TENM3: variants seen among roughly 807,000 people sequenced by gnomAD.
The protein encoded by TENM3 is teneurin-3.
A neutral mutation model predicts 255.1 loss-of-function variants in TENM3; 63 were observed. The observed-to-expected ratio is 0.25, with a 90% CI of 0.20 to 0.30. The LOEUF is 0.30. TENM3 is among the 10% of genes least tolerant of loss of function. The pLI is 1.00. For missense variants in TENM3, 2,929 were observed against 3,461.1 expected (o/e 0.85, Z 3.86); for synonymous variants, 1,306 against 1,322.3 (o/e 0.99, Z 0.27).
At chr4:181,515,223 T>G in the TENM3 span, among the ~76,000 whole-genome samples, 1 of 152,230 alleles carries the variant, frequency 6.6e-6, no homozygotes, top group African/African-American at 2.4e-5. Context: ...CCGGCTCACA[T>G]TTTTCTACTT....
At chr4:182,170,768 C>T (rs1328912112) in intron 1 of TENM3, among the ~76,000 whole-genome samples, 1 of 152,056 alleles carries the variant, frequency 6.6e-6, no homozygotes, top group Non-Finnish European at 1.5e-5. Flanking sequence ...ATAATAAAAT[C>T]ACATTAGCTA....
the TENM3 span, among the ~76,000 whole-genome samples, chr4:181,947,631 T>C: frequency 1.3e-5 from 2 of 152,168 alleles, no homozygotes; most frequent in Non-Finnish European, 2.9e-5. Flanking sequence ...CAAAATTCAG[T>C]TCATAAATAA....
At chr4:181,664,045 A>T in the TENM3 span, among the ~76,000 whole-genome samples, 21 of 152,208 alleles carry the variant, frequency 1.4e-4, no homozygotes, top group African/African-American at 5.1e-4. Flanking sequence ...GGTGTGGTTA[A>T]GAGACTGGCC....
At chr4:181,845,435 A>G in the TENM3 span, among the ~76,000 whole-genome samples, 3 of 152,238 alleles carry the variant, frequency 2.0e-5, no homozygotes, top group African/African-American at 7.2e-5. Flanking sequence ...TGTGAAATCT[A>G]CTAGATAAAT....
At chr4:182,093,791 C>T in the TENM3 span, among the ~76,000 whole-genome samples, 1 of 152,128 alleles carries the variant, frequency 6.6e-6, no homozygotes, top group South Asian at 2.1e-4. Flanking sequence ...CCCTCCAGGG[C>T]TGAGTCATCC....
chr4:182,294,406 C>T (rs770158960), intron 1 of TENM3, among the ~76,000 whole-genome samples: 1 of 151,678 alleles, frequency 6.6e-6, no homozygotes. Context: ...TTTTTTTCAC[C>T]CTAAGTGTAA....
chr4:182,165,829 G>A (rs1252914793), intron 1 of TENM3, among the ~76,000 whole-genome samples: 2 of 152,148 alleles, frequency 1.3e-5, no homozygotes, highest in Non-Finnish European at 2.9e-5. Flanking sequence ...AGGCTGGAGT[G>A]CAGTGGCGTG....
the TENM3 span, among the ~76,000 whole-genome samples, chr4:181,957,578 T>G: frequency 6.6e-6 from 1 of 152,204 alleles, no homozygotes; most frequent in East Asian, 1.9e-4. Flanking sequence ...AATTTAAATG[T>G]GCCAGTATAT....
the TENM3 span, among the ~76,000 whole-genome samples, chr4:181,917,970 A>C: frequency 6.6e-6 from 1 of 152,012 alleles, no homozygotes; most frequent in Non-Finnish European, 1.5e-5. Context: ...CCTGTTCCTC[A>C]GGTTTCTAAC....
At chr4:182,613,661 C>A (rs1271136738) in intron 4 of TENM3, among the ~76,000 whole-genome samples, 1 of 152,112 alleles carries the variant, frequency 6.6e-6, no homozygotes, top group Non-Finnish European at 1.5e-5. Context: ...AATTTTAGCT[C>A]CCAATTTTCA....
At chr4:182,216,113 C>T (rs952705555) in intron 1 of TENM3, among the ~76,000 whole-genome samples, 7 of 152,196 alleles carry the variant, frequency 4.6e-5, no homozygotes, top group African/African-American at 7.2e-5. Context: ...AATCATTAGA[C>T]ACCAGTGGCA....
chr4:182,505,784 G>A (rs945988884), intron 3 of TENM3, among the ~76,000 whole-genome samples: 1 of 152,092 alleles, frequency 6.6e-6, no homozygotes, highest in African/African-American at 2.4e-5. Flanking sequence ...CCAAATCTTA[G>A]ATTCAGTTTC....
At chr4:182,551,928 G>A (rs1293316588) in intron 3 of TENM3, among the ~76,000 whole-genome samples, 1 of 151,814 alleles carries the variant, frequency 6.6e-6, no homozygotes, top group Non-Finnish European at 1.5e-5. Context: ...TGAGGCAGGA[G>A]GATTGCTTGA....
At chr4:182,033,142 T>C in the TENM3 span, among the ~76,000 whole-genome samples, 3 of 152,116 alleles carry the variant, frequency 2.0e-5, no homozygotes, top group Non-Finnish European at 4.4e-5. Flanking sequence ...GTTTGGATGT[T>C]GACTTGAGAT....
intron 18 of TENM3, among the ~76,000 whole-genome samples, chr4:182,741,040 G>T (rs760762869): frequency 6.6e-6 from 1 of 152,152 alleles, no homozygotes; most frequent in Admixed American, 6.5e-5. Context: ...GCCAGGCTTA[G>T]TAGTGGGCAC....
At chr4:182,395,832 G>C (rs1768769583) in intron 3 of TENM3, among the ~76,000 whole-genome samples, 1 of 152,176 alleles carries the variant, frequency 6.6e-6, no homozygotes, top group Non-Finnish European at 1.5e-5. Context: ...GCTCTGCTCT[G>C]AAATTGCTAA....
chr4:182,695,486 G>A (rs1488511316), intron 12 of TENM3, among the ~76,000 whole-genome samples: 2 of 152,202 alleles, frequency 1.3e-5, no homozygotes, highest in Non-Finnish European at 2.9e-5. Context: ...CCGATAAGGA[G>A]AATTTGATCT....
the TENM3 span, among the ~76,000 whole-genome samples, chr4:181,702,089 A>C: frequency 1.3e-5 from 2 of 152,316 alleles, no homozygotes; most frequent in African/African-American, 4.8e-5. Flanking sequence ...GCCACTGAAC[A>C]GTGCACACTA....
chr4:182,585,712 G>A (rs769855411), intron 3 of TENM3, among the ~76,000 whole-genome samples: 5 of 152,154 alleles, frequency 3.3e-5, no homozygotes, highest in African/African-American at 4.8e-5. Flanking sequence ...AGACCAGTAC[G>A]TCACATCTCT....
Sources: allele counts gnomAD v4.1 joint callset (sites outside exome capture counted in the v4.1 genomes callset), GRCh38; gene constraint gnomAD v4.1.1; transcripts MANE v1.5; gene names NCBI Gene and HGNC (gene_info 2026-07-23, HGNC 2026-07-21).